Variants in EPHA5 observed in about 807,000 individuals in gnomAD.
EPHA5 encodes the protein EPH receptor A5.
Under a neutral mutation model 105.0 loss-of-function variants are expected in EPHA5, and 60 were observed. The observed-to-expected ratio is 0.57, with a 90% CI of 0.46 to 0.71. EPHA5 has a LOEUF of 0.71. Among genes scored for constraint, EPHA5 ranks in the 30% least tolerant of loss-of-function variants. The pLI is 0.00. For synonymous variants in EPHA5, 513 were observed against 449.1 expected, an observed-to-expected ratio of 1.14 and a Z score of -1.80; for missense variants, 1,218 against 1,274.7, an observed-to-expected ratio of 0.96 and a Z score of 0.68.
chr4:65,503,518 A>C (rs1732698776), intron 3 of EPHA5, among the ~76,000 whole-genome samples: 1 of 151,824 alleles, frequency 6.6e-6, no homozygotes, highest in Admixed American at 6.6e-5. Flanking sequence ...ATATTACATA[A>C]GAAAAGGACA....
chr4:65,344,319 A>G (rs537137041), intron 14 of EPHA5, among the ~76,000 whole-genome samples: 99 of 152,260 alleles, frequency 6.5e-4, no homozygotes, highest in African/African-American at 2.3e-3. Context: ...GCCAAGGCAT[A>G]CTAATACAGA....
rs1718025922 is a variant in EPHA5 at position 65,367,438 on chromosome 4, A to G, written c.1794-14T>C. On this transcript the variant is annotated splice_polypyrimidine_tract_variant and intron_variant, in intron 8 of 16. Coordinates refer to ENST00000613740, the MANE Select transcript of EPHA5 (RefSeq NM_001281766.3). Reference sequence around the variant, plus strand: ...TAGCCACACCGCCTGGAACAAAGTAAGCTAGAATTAGCCACATCTGAAAGT... The same window carrying G: ...TAGCCACACCGCCTGGAACAAAGTAGGCTAGAATTAGCCACATCTGAAAGT... The G allele has an allele frequency of 6.2e-7, 1 of 1,610,926 alleles. No homozygotes were observed.
chr4:65,649,687 T>G (rs1414463486), intron 1 of EPHA5, among the ~76,000 whole-genome samples: 1 of 152,286 alleles, frequency 6.6e-6, no homozygotes, highest in Admixed American at 6.5e-5. Flanking sequence ...ACCTAATCCA[T>G]TATAATCTGG....
rs191418625 is a variant in EPHA5 at position 65,401,965 on chromosome 4, G to A, written c.1793+2409C>T. On this transcript the variant is annotated intron_variant, in intron 8 of 16. Coordinates refer to ENST00000613740, the MANE Select transcript of EPHA5 (RefSeq NM_001281766.3). ...AGAGATAGAGATGGTTAGGCTTTGT[G>A]TCCCCACCCAAATCTCATCTTGCAT... Among the ~76,000 whole-genome samples, 58 of 152,060 alleles carry A rather than the reference G, an allele frequency of 3.8e-4. No individual in the cohort carries two copies. The South Asian group carries it at 0.012, about 31-fold the overall frequency.
chr4:65,414,271 T>C lies in EPHA5; in HGVS notation c.1687+13A>G. 6.2e-7 allele frequency: 1 copy of C among 1,612,924 alleles called. No homozygotes were observed. The highest frequency in any genetic ancestry group is 1.1e-5 in the South Asian group (1 of 91,052). Reference sequence around the variant, plus strand: ...TACTGAGACATGAGCTGACAGTAATTAAAATGACTTACACACTGGGGTGGT... The same window carrying C: ...TACTGAGACATGAGCTGACAGTAATCAAAATGACTTACACACTGGGGTGGT... On this transcript the variant is annotated intron_variant, in intron 7 of 16. Coordinates refer to ENST00000613740, the MANE Select transcript of EPHA5 (RefSeq NM_001281766.3).
chr4:65,546,927 C>G (rs142606604), intron 3 of EPHA5, among the ~76,000 whole-genome samples: 14 of 151,938 alleles, frequency 9.2e-5, no homozygotes, highest in Admixed American at 3.3e-4. Context: ...CACATGTACG[C>G]GTAATACATT....
In EPHA5 at chr4:65,367,340, T is replaced by A. The variant is rs764195004; in HGVS notation, c.1861+17A>T. The A allele has an allele frequency of 2.4e-5, 39 of 1,602,832 alleles. No homozygotes were observed. The highest frequency in any genetic ancestry group is 3.3e-5 in the Non-Finnish European group (39 of 1,173,360). ...TCCCCTATTTTATTCTATTTTTATT[T>A]TTTACAATTTGCTTACTGTGCCCAT... On this transcript the variant is annotated intron_variant, in intron 9 of 16. Coordinates refer to ENST00000613740, the MANE Select transcript of EPHA5 (RefSeq NM_001281766.3).
At position 65,506,237 on chromosome 4, in the gene EPHA5, T is replaced by C. The variant is rs1233994437; in HGVS notation, c.911-10694A>G. On this transcript the variant is annotated intron_variant, in intron 3 of 16. Coordinates refer to ENST00000613740, the MANE Select transcript of EPHA5 (RefSeq NM_001281766.3). ...GTGTATATGTGCCACATTTTCTTAA[T>C]CCAGTCTATCATTGTTGGACATTTG... Among the ~76,000 whole-genome samples the C allele has an allele frequency of 2.0e-5, 3 of 152,096 alleles. No homozygotes were observed. In the East Asian group the frequency reaches 5.8e-4, roughly 29 times the overall value.
intron 2 of EPHA5, among the ~76,000 whole-genome samples, chr4:65,628,542 A>G (rs1746348677): frequency 1.3e-5 from 2 of 152,154 alleles, no homozygotes; most frequent in African/African-American, 2.4e-5. Flanking sequence ...ACCTTAATCT[A>G]TATATTTTAA....
intron 5 of EPHA5, among the ~76,000 whole-genome samples, chr4:65,471,899 G>A (rs1729321644): frequency 1.3e-5 from 2 of 152,000 alleles, no homozygotes; most frequent in South Asian, 4.2e-4. Flanking sequence ...CAAATCTAAT[G>A]TCCTCACTTT....
rs1734468002 is a variant in EPHA5, at chr4:65,519,578, A to ATT, written c.911-24036_911-24035insAA. 7.9e-5 allele frequency among the ~76,000 whole-genome samples: 12 copies of ATT among 152,116 alleles called. 1 individual carries two copies. The highest frequency in any genetic ancestry group is 6.6e-4 in the Admixed American group (10 of 15,258). ...AAGGGTATTCAATTAGGAAAGAGGA[A>ATT]GTCAAATTGTCCCTGTTTGCAGATG... On this transcript the variant is annotated intron_variant, in intron 3 of 16. Coordinates refer to ENST00000613740, the MANE Select transcript of EPHA5 (RefSeq NM_001281766.3).
chr4:65,599,607 C>A (rs898709954), intron 3 of EPHA5, among the ~76,000 whole-genome samples: 1 of 152,084 alleles, frequency 6.6e-6, no homozygotes, highest in Non-Finnish European at 1.5e-5. Context: ...ATGTGTGAAA[C>A]ATTCTCTGGG....
chr4:65,602,741 G>C (rs1193250315), intron 2 of EPHA5, among the ~76,000 whole-genome samples: 1 of 151,820 alleles, frequency 6.6e-6, no homozygotes, highest in Non-Finnish European at 1.5e-5. Flanking sequence ...TGAAATAAGG[G>C]ATAAAAGGAT....
intron 3 of EPHA5, among the ~76,000 whole-genome samples, chr4:65,497,914 C>G (rs1441966498): frequency 6.6e-6 from 1 of 151,870 alleles, no homozygotes; most frequent in Non-Finnish European, 1.5e-5. Flanking sequence ...GTGATAGACA[C>G]AGCCTTGCCT....
chr4:65,468,373 C>A (rs898881853), intron 5 of EPHA5, among the ~76,000 whole-genome samples: 2 of 150,266 alleles, frequency 1.3e-5, no homozygotes, highest in African/African-American at 4.9e-5. Flanking sequence ...GAGAAAGATT[C>A]TAGGGCAGAA....
At position 65,525,929 on chromosome 4, in the gene EPHA5, G is replaced by C. The variant is rs561159264; in HGVS notation, c.911-30386C>G. 2.0e-5 allele frequency among the ~76,000 whole-genome samples: 3 copies of C among 151,490 alleles called. No homozygotes were observed. The East Asian group carries it at 5.8e-4, about 29-fold the overall frequency. Reference sequence around the variant, plus strand: ...CTGTCTCAGGCGCTGATTATAAAGAGATGAACATTTCCTTTAATGATTCTG... The same window carrying C: ...CTGTCTCAGGCGCTGATTATAAAGACATGAACATTTCCTTTAATGATTCTG... On this transcript the variant is annotated intron_variant, in intron 3 of 16. Transcript: ENST00000613740.
At chr4:65,478,479 C>CT (rs899665702) in intron 5 of EPHA5, among the ~76,000 whole-genome samples, 1 of 151,812 alleles carries the variant, frequency 6.6e-6, no homozygotes, top group African/African-American at 2.4e-5. Context: ...CTGTTATGCT[C>CT]TTTTTTTTCT....
At chr4:65,480,164 T>C (rs999482247) in intron 5 of EPHA5, among the ~76,000 whole-genome samples, 25 of 152,220 alleles carry the variant, frequency 1.6e-4, no homozygotes, top group African/African-American at 5.3e-4. Flanking sequence ...GGAGAGAGGA[T>C]GAACAAACTT....
Position 65,498,606 on chromosome 4 carries a change from C to G in EPHA5, c.911-3063G>C, listed in dbSNP as rs900115729. 3.3e-5 allele frequency among the ~76,000 whole-genome samples: 5 copies of G among 151,838 alleles called. No homozygotes were observed. In the East Asian group the frequency reaches 9.7e-4, roughly 29 times the overall value. On this transcript the variant is annotated intron_variant, in intron 3 of 16. Transcript: ENST00000613740. ...TCAAGAAATGAGAATGGGGTAAAAT[C>G]AACTAGGTTTCATGATGTATTTAAT...
Sources: gnomAD v4.1 joint callset for allele counts (sites outside exome capture counted in the v4.1 genomes callset) on GRCh38, gnomAD v4.1.1 for gene constraint, MANE v1.5 for transcripts, NCBI Gene and HGNC (gene_info 2026-07-23, HGNC 2026-07-21) for gene names.